The following LRRTM4 variants were observed in gnomAD, a reference collection of about 807,000 sequenced individuals.
LRRTM4 encodes the protein leucine rich repeat transmembrane neuronal 4.
LRRTM4 carries 25 observed loss-of-function variants against 47.6 expected under a neutral mutation model. The ratio of observed to expected loss-of-function variants is 0.53; its 90% CI spans 0.38 to 0.73. The LOEUF (loss-of-function observed/expected upper bound fraction) is 0.73, where lower values mean the gene tolerates loss of function less well. Among genes scored for constraint, LRRTM4 ranks in the 30% least tolerant of loss-of-function variants. The pLI is 0.00. For synonymous variants in LRRTM4, 311 were observed against 269.5 expected, an observed-to-expected ratio of 1.15 and a Z score of -1.51; for missense variants, 638 against 713.4, an observed-to-expected ratio of 0.89 and a Z score of 1.20.
In LRRTM4 at chr2:77,519,850, T is replaced by C. The variant is rs1358722851; in HGVS notation, c.19A>G (p.Thr7Ala). The C allele has an allele frequency of 1.3e-6, 2 of 1,599,004 alleles. No homozygotes were observed. The highest frequency in any genetic ancestry group is 3.5e-5 in the Admixed American group (2 of 57,512). Reference protein sequence around the residue: MGFHLITQLKGMSVVLV... With the variant: MGFHLIAQLKGMSVVLV... ...ACCACACTCATGCCTTTCAGCTGCGTAATTAAATGGAAACCTACGATATTA... is the reference window on the plus strand; with the variant it reads ...ACCACACTCATGCCTTTCAGCTGCGCAATTAAATGGAAACCTACGATATTA... The change falls in exon 3 of 4, where the codon ACG (threonine) becomes GCG (alanine). Residue 7 changes from threonine (T) to alanine (A), a missense_variant. Physicochemically the swap from Thr to Ala is moderately conservative, Grantham distance 58 (BLOSUM62 0). Coordinates refer to ENST00000409884, the MANE Select transcript of LRRTM4 (RefSeq NM_001134745.3). The surrounding 1 kb of genome is among the most constrained non-coding windows in gnomAD (Gnocchi z 4.6).
At chr2:77,003,762 T>A (rs1391806166) in intron 3 of LRRTM4, among the ~76,000 whole-genome samples, 1 of 152,056 alleles carries the variant, frequency 6.6e-6, no homozygotes, top group Non-Finnish European at 1.5e-5. Context: ...GGAAGCAACT[T>A]TGGAACTGGG....
intron 3 of LRRTM4, among the ~76,000 whole-genome samples, chr2:77,193,964 T>G (rs1300603271): frequency 6.6e-6 from 1 of 152,154 alleles, no homozygotes; most frequent in Non-Finnish European, 1.5e-5. Flanking sequence ...TTAATTTACT[T>G]CTCTTTCAGC....
At chr2:77,077,535 T>C (rs1680378115) in intron 3 of LRRTM4, among the ~76,000 whole-genome samples, 1 of 152,184 alleles carries the variant, frequency 6.6e-6, no homozygotes, top group African/African-American at 2.4e-5. Context: ...CTGTAGAGCA[T>C]GGTGGAAAAC....
chr2:77,426,048 C>CA (rs1675091081), intron 3 of LRRTM4, among the ~76,000 whole-genome samples: 1 of 150,682 alleles, frequency 6.6e-6, no homozygotes, highest in Non-Finnish European at 1.5e-5. Flanking sequence ...CCTGGAAGGC[C>CA]AAGTTGCAGT....
chr2:77,242,052 A>G (rs1419922099), intron 3 of LRRTM4, among the ~76,000 whole-genome samples: 3 of 152,134 alleles, frequency 2.0e-5, no homozygotes, highest in Non-Finnish European at 4.4e-5. Flanking sequence ...GCTTTATAAC[A>G]AGTTTGAAAA....
In LRRTM4 at chr2:76,880,343, T is replaced by C. The variant is rs116122453; in HGVS notation, c.1552-131427A>G. ...TCTAATTAGTCAGCAGCCATGGACA[T>C]TGAGTCAAGACCCTTCACCAGCTAA... is the stretch of plus-strand genomic sequence containing the variant. On this transcript the variant is annotated intron_variant, in intron 3 of 3. Transcript: ENST00000409884. Among the ~76,000 whole-genome samples the C allele has an allele frequency of 2.4e-3, 365 of 152,312 alleles. 3 individuals are homozygous for C. Among genetic ancestry groups the C allele is most frequent in the African/African-American group, 8.5e-3 (354 of 41,584 alleles).
intron 3 of LRRTM4, among the ~76,000 whole-genome samples, chr2:77,230,986 G>T (rs191803524): frequency 7.2e-5 from 11 of 152,076 alleles, no homozygotes; most frequent in Admixed American, 6.6e-4. Flanking sequence ...GCTCGGTGAA[G>T]CTTCAATTTC....
intron 3 of LRRTM4, among the ~76,000 whole-genome samples, chr2:77,060,384 C>T (rs1345437428): frequency 6.6e-6 from 1 of 151,800 alleles, no homozygotes; most frequent in African/African-American, 2.4e-5. Context: ...GAAAAGAATT[C>T]AGATTAAATG....
chr2:76,961,914 CTTGGGT>C (rs1200395730), intron 3 of LRRTM4, among the ~76,000 whole-genome samples: 3 of 151,302 alleles, frequency 2.0e-5, no homozygotes, highest in African/African-American at 7.3e-5. Context: ...CTCACTTGAA[CTTGGGT>C]GATCTTTGCA....
At chr2:77,482,413 AC>A (rs1353035042) in intron 3 of LRRTM4, among the ~76,000 whole-genome samples, 2 of 146,558 alleles carry the variant, frequency 1.4e-5, no homozygotes, top group African/African-American at 5.1e-5. Flanking sequence ...CATTTTGAAC[AC>A]AAAAACATCC....
chr2:77,310,849 TAC>T (rs945893085), intron 3 of LRRTM4, among the ~76,000 whole-genome samples: 37 of 152,052 alleles, frequency 2.4e-4, no homozygotes, highest in African/African-American at 8.9e-4. Context: ...TGATGTCATA[TAC>T]ACACACACAT....
chr2:77,323,360 T>C (rs1670619519), intron 3 of LRRTM4, among the ~76,000 whole-genome samples: 1 of 152,172 alleles, frequency 6.6e-6, no homozygotes. Context: ...ATTAAGCTGT[T>C]ACTGTCAAAG....
At chr2:77,419,954 C>G (rs995419601) in intron 3 of LRRTM4, among the ~76,000 whole-genome samples, 13 of 152,154 alleles carry the variant, frequency 8.5e-5, no homozygotes, top group Non-Finnish European at 1.6e-4. Flanking sequence ...CACCTGGGGA[C>G]AGTTTCTGAA....
intron 3 of LRRTM4, among the ~76,000 whole-genome samples, chr2:77,055,252 A>T (rs1679563872): frequency 6.6e-6 from 1 of 152,208 alleles, no homozygotes; most frequent in Non-Finnish European, 1.5e-5. Flanking sequence ...GATACCACAG[A>T]AACATCCTCT....
intron 3 of LRRTM4, among the ~76,000 whole-genome samples, chr2:77,445,309 T>G (rs17594539): frequency 0.022 from 3,406 of 151,900 alleles, 64 homozygotes; most frequent in Non-Finnish European, 0.034. Flanking sequence ...ATGTGGCATA[T>G]TTAGAAGATT....
chr2:76,783,707 A>T (rs1385954682), intron 3 of LRRTM4, among the ~76,000 whole-genome samples: 1 of 152,208 alleles, frequency 6.6e-6, no homozygotes, highest in East Asian at 1.9e-4. Context: ...TGAATTTCAC[A>T]ATACCATTTG....
intron 3 of LRRTM4, among the ~76,000 whole-genome samples, chr2:77,409,679 T>C (rs920369269): frequency 1.3e-5 from 2 of 152,202 alleles, no homozygotes; most frequent in African/African-American, 2.4e-5. Flanking sequence ...ACCTTTACTC[T>C]TCTAGAAAAT....
At chr2:77,209,027 C>T (rs1459678808) in intron 3 of LRRTM4, among the ~76,000 whole-genome samples, 1 of 151,998 alleles carries the variant, frequency 6.6e-6, no homozygotes, top group Non-Finnish European at 1.5e-5. Flanking sequence ...CTCAGCCTTC[C>T]CCTCCCTTTC....
At chr2:76,954,881 A>G (rs1675620284) in intron 3 of LRRTM4, among the ~76,000 whole-genome samples, 1 of 151,784 alleles carries the variant, frequency 6.6e-6, no homozygotes, top group Non-Finnish European at 1.5e-5. Context: ...TGTGGGCCAG[A>G]AAGACTTGGT....
Sources: gnomAD v4.1 joint callset for allele counts (sites outside exome capture counted in the v4.1 genomes callset) on GRCh38, gnomAD v4.1.1 for gene constraint, Gnocchi (gnomAD v3.1) non-coding constraint, MANE v1.5 for transcripts, NCBI Gene and HGNC (gene_info 2026-07-23, HGNC 2026-07-21) for gene names.